Variants in NAV1 observed in about 807,000 individuals in gnomAD.
The protein encoded by NAV1 is neuron navigator 1, also known as pore membrane and/or filament interacting like protein 3.
NAV1 carries 18 observed loss-of-function variants against 175.2 expected under a neutral mutation model. That is an observed-to-expected ratio of 0.10 (90% CI 0.07 to 0.15). The LOEUF (loss-of-function observed/expected upper bound fraction) is 0.15. Among genes scored for constraint, NAV1 ranks in the 10% least tolerant of loss-of-function variants. The probability of loss-of-function intolerance (pLI) is 1.00; values close to 1 mark genes in which losing one functional copy is unlikely to be tolerated. For missense variants in NAV1, 1,731 were observed against 2,436.6 expected, an observed-to-expected ratio of 0.71 and a Z score of 6.10; for synonymous variants, 897 against 978.7, an observed-to-expected ratio of 0.92 and a Z score of 1.56.
intron 1 of NAV1, among the ~76,000 whole-genome samples, chr1:201,570,919 C>T (rs1666524082): frequency 6.6e-6 from 1 of 152,266 alleles, no homozygotes; most frequent in Non-Finnish European, 1.5e-5. Context: ...TGACCCTGGT[C>T]GCTCATTGCT....
chr1:201,683,718 T>C (rs1358090134), intron 1 of NAV1, among the ~76,000 whole-genome samples: 2 of 152,174 alleles, frequency 1.3e-5, no homozygotes, highest in African/African-American at 2.4e-5. Context: ...TCACTGTTGA[T>C]GTTGACCTTA....
At chr1:201,696,409 G>GA (rs1671193187) in intron 1 of NAV1, among the ~76,000 whole-genome samples, 1 of 152,234 alleles carries the variant, frequency 6.6e-6, no homozygotes, top group Non-Finnish European at 1.5e-5. Flanking sequence ...TCCGAGGCCA[G>GA]AAGCTTTACA....
chr1:201,556,198 G>A (rs113962324), intron 1 of NAV1, among the ~76,000 whole-genome samples: 4,532 of 152,204 alleles, frequency 0.03, 75 homozygotes, highest in South Asian at 0.06. Flanking sequence ...GATTGTTTGA[G>A]CCCAGGAGTT....
At chr1:201,724,691 G>A (rs750318670) in intron 3 of NAV1, 6 of 152,696 alleles carry the variant, frequency 3.9e-5, no homozygotes, top group Non-Finnish European at 7.3e-5. Flanking sequence ...CATCTTGAGC[G>A]AGTGCTGTAG....
At chr1:201,713,894 C>T (rs917460224) in intron 2 of NAV1, among the ~76,000 whole-genome samples, 1 of 152,156 alleles carries the variant, frequency 6.6e-6, no homozygotes, top group African/African-American at 2.4e-5. Flanking sequence ...TGGGACCACA[C>T]CCATGGACAT....
In NAV1 at chr1:201,790,784, C is replaced by T. The variant is rs746032360; in HGVS notation, c.3321+18C>T. ...CTGCCAATGTGAGTGCCATGAAGTA[C>T]GGAAAGATCAAGGCAGTTATTTTGA... On this transcript the variant is annotated intron_variant, in intron 13 of 29. Coordinates refer to ENST00000367296, the Ensembl canonical transcript of NAV1. The T allele has an allele frequency of 1.6e-5, 26 of 1,613,062 alleles. No homozygotes were observed. Among genetic ancestry groups the T allele is most frequent in the Admixed American group, 8.3e-5 (5 of 59,994 alleles).
intron 2 of NAV1, among the ~76,000 whole-genome samples, chr1:201,590,557 T>C (rs932470337): frequency 6.6e-6 from 1 of 151,880 alleles, no homozygotes; most frequent in Non-Finnish European, 1.5e-5. Context: ...TCCTGGTCCC[T>C]GGCAACCCCT....
chr1:201,637,284 G>A (rs770370098), intron 2 of NAV1, among the ~76,000 whole-genome samples: 4 of 152,130 alleles, frequency 2.6e-5, no homozygotes, highest in Non-Finnish European at 4.4e-5. Flanking sequence ...CATTACTTTC[G>A]CAGTTGTCTT....
chr1:201,780,641 C>A (rs142392905), intron 4 of NAV1, 82 bp downstream of exon 8: 5 of 1,554,434 alleles, frequency 3.2e-6, no homozygotes, highest in Non-Finnish European at 4.4e-6. Flanking sequence ...TGGGGTTGCA[C>A]GTACACACCC....
At chr1:201,708,186 A>G (rs1312672911) in intron 1 of NAV1, among the ~76,000 whole-genome samples, 2 of 152,194 alleles carry the variant, frequency 1.3e-5, no homozygotes, top group African/African-American at 4.8e-5. Flanking sequence ...CAGATGCCCC[A>G]GTGCATGCTG....
intron 2 of NAV1, among the ~76,000 whole-genome samples, chr1:201,617,247 TCACA>T (rs143535007): frequency 6.7e-6 from 1 of 149,294 alleles, no homozygotes; most frequent in Non-Finnish European, 1.5e-5. Context: ...TCTCTGTCTG[TCACA>T]CACACACACA....
chr1:201,601,664 C>G (rs1173572486), intron 2 of NAV1, among the ~76,000 whole-genome samples: 2 of 152,106 alleles, frequency 1.3e-5, no homozygotes, highest in East Asian at 1.9e-4. Flanking sequence ...ATATATGAAC[C>G]AGAAAGCAGG....
In NAV1 at chr1:201,788,534, C is replaced by A. The variant is rs1163856436; in HGVS notation, c.3062C>A (p.Ala1021Asp). ...AACAGCATCCCCACCCACGAGGCGG[C>A]CTTCGAGCTGTACAGCGGCTCCCAA... Residue 1021 changes from alanine (A) to aspartate (D), a missense_variant, in exon 10 of 30, where the codon GCC becomes GAC. Coordinates refer to ENST00000367296, the Ensembl canonical transcript of NAV1. The surrounding 1 kb of genome is among the most constrained non-coding windows in gnomAD (Gnocchi z 5.7). 7 of 1,614,066 alleles carry A rather than the reference C, an allele frequency of 4.3e-6. No individual in the cohort carries two copies. Among genetic ancestry groups the A allele is most frequent in the Non-Finnish European group, 5.1e-6 (6 of 1,180,032 alleles).
intron 3 of NAV1, among the ~76,000 whole-genome samples, chr1:201,728,918 A>G (rs1286060503): frequency 6.6e-6 from 1 of 152,236 alleles, no homozygotes; most frequent in Non-Finnish European, 1.5e-5. Flanking sequence ...TGCTATGCCA[A>G]CTAATGCTAG....
At chr1:201,544,053 C>A (rs777866739) in intron 1 of NAV1, among the ~76,000 whole-genome samples, 1 of 152,244 alleles carries the variant, frequency 6.6e-6, no homozygotes, top group Non-Finnish European at 1.5e-5. Context: ...GAGGGCACCA[C>A]GCCCAGCCTC....
exon 14 of NAV1, chr1:201,793,868 A>G (rs1677265361): frequency 8.9e-7 from 1 of 1,118,776 alleles, no homozygotes; most frequent in Non-Finnish European, 1.2e-6. Flanking sequence ...GAGACGGCCG[A>G]GGAGAAGGTG....
chr1:201,639,899 C>A (rs1668703210), intron 2 of NAV1, among the ~76,000 whole-genome samples: 1 of 152,154 alleles, frequency 6.6e-6, no homozygotes, highest in Admixed American at 6.5e-5. Flanking sequence ...CATTTCCGAC[C>A]CTGTCCTTTC....
chr1:201,638,874 T>C (rs1668675968), intron 2 of NAV1, among the ~76,000 whole-genome samples: 1 of 152,186 alleles, frequency 6.6e-6, no homozygotes, highest in South Asian at 2.1e-4. Flanking sequence ...TCAGCAAGGA[T>C]CAGTGAGCCC....
upstream of NAV1, chr1:201,648,141 C>T (rs1330127332): frequency 4.6e-6 from 3 of 645,458 alleles, no homozygotes; most frequent in African/African-American, 2.0e-5. Flanking sequence ...GTTTGCTCCC[C>T]GCCTTCCCCT....
Sources: allele counts gnomAD v4.1 joint callset (sites outside exome capture counted in the v4.1 genomes callset), GRCh38; gene constraint gnomAD v4.1.1; non-coding constraint Gnocchi (gnomAD v3.1); transcripts MANE v1.5; gene names NCBI Gene and HGNC (gene_info 2026-07-23, HGNC 2026-07-21).